Variants in KCTD1 observed in about 807,000 individuals in gnomAD.
The protein encoded by KCTD1 is potassium channel tetramerization domain containing 1.
Under a neutral mutation model 66.0 loss-of-function variants are expected in KCTD1, and 24 were observed. That is an observed-to-expected ratio of 0.36 (90% CI 0.26 to 0.51). KCTD1 has a LOEUF of 0.51. Ranked by LOEUF, KCTD1 falls within the 20% of genes least tolerant of loss-of-function variation. The pLI is 0.95. For missense variants in KCTD1, 943 were observed against 1,205.2 expected, an observed-to-expected ratio of 0.78 and a Z score of 3.22; for synonymous variants, 511 against 517.2, an observed-to-expected ratio of 0.99 and a Z score of 0.16.
chr18:26,479,839 C>A (rs986078937), intron 2 of KCTD1, among the ~76,000 whole-genome samples: 2 of 152,104 alleles, frequency 1.3e-5, no homozygotes, highest in Non-Finnish European at 2.9e-5. Flanking sequence ...TTTGGCTAAG[C>A]AAATAATGGG....
chr18:26,480,754 G>A (rs577371532), intron 2 of KCTD1, among the ~76,000 whole-genome samples: 2 of 151,984 alleles, frequency 1.3e-5, no homozygotes, highest in Non-Finnish European at 2.9e-5. Flanking sequence ...GCAACAGAGC[G>A]AGACTTTGTC....
intron 1 of KCTD1, among the ~76,000 whole-genome samples, chr18:26,615,975 G>C (rs1987241277): frequency 6.6e-6 from 1 of 152,060 alleles, no homozygotes; most frequent in Admixed American, 6.5e-5. Context: ...ATTTTTAGTA[G>C]AGATGGGGTT....
At chr18:26,522,259 A>G (rs747535135) in intron 1 of KCTD1, among the ~76,000 whole-genome samples, 1 of 152,224 alleles carries the variant, frequency 6.6e-6, no homozygotes, top group Non-Finnish European at 1.5e-5. Context: ...GCATCCTTAT[A>G]GAAAGGGGAA....
chr18:26,573,954 G>A (rs1213771191), intron 1 of KCTD1, among the ~76,000 whole-genome samples: 1 of 152,028 alleles, frequency 6.6e-6, no homozygotes, highest in Non-Finnish European at 1.5e-5. Flanking sequence ...TCAAATACCA[G>A]TATTGCCCCA....
At chr18:26,464,061 GA>G (rs1424197339) in intron 3 of KCTD1, among the ~76,000 whole-genome samples, 1 of 152,182 alleles carries the variant, frequency 6.6e-6, no homozygotes, top group Non-Finnish European at 1.5e-5. Context: ...CTAGAGGGAG[GA>G]AAACGATATA....
At chr18:26,529,337 T>C (rs936063016) in intron 1 of KCTD1, among the ~76,000 whole-genome samples, 3 of 152,180 alleles carry the variant, frequency 2.0e-5, no homozygotes, top group Non-Finnish European at 2.9e-5. Context: ...TTAAATGGCC[T>C]TGGCACTTGC....
upstream of KCTD1, among the ~76,000 whole-genome samples, chr18:26,632,675 CAT>C (rs1262498682): frequency 1.3e-5 from 2 of 151,900 alleles, no homozygotes; most frequent in Non-Finnish European, 2.9e-5. Context: ...TAATGATAAG[CAT>C]ATAGAAGTGG....
chr18:26,636,207 G>A (rs535373328), intron 1 of KCTD1, among the ~76,000 whole-genome samples: 7 of 152,146 alleles, frequency 4.6e-5, no homozygotes, highest in East Asian at 1.9e-4. Context: ...GTCAGAAGAG[G>A]GGGGAGTTTA....
chr18:26,560,467 A>C (rs1985820809), intron 1 of KCTD1, among the ~76,000 whole-genome samples: 1 of 152,184 alleles, frequency 6.6e-6, no homozygotes, highest in Non-Finnish European at 1.5e-5. Flanking sequence ...AAAAATACTG[A>C]TACCCAGATC....
At chr18:26,475,165 G>A (rs1057312131) in intron 3 of KCTD1, among the ~76,000 whole-genome samples, 2 of 152,086 alleles carry the variant, frequency 1.3e-5, no homozygotes, top group Admixed American at 6.5e-5. Flanking sequence ...CTGTTTTGAC[G>A]TTGATAGGAC....
intron 1 of KCTD1, chr18:26,657,352 G>T (rs1338527718): frequency 1.7e-5 from 17 of 985,334 alleles, no homozygotes; most frequent in Non-Finnish European, 2.0e-5. Context: ...CAAACCGTCA[G>T]ATCTTACCTG....
chr18:26,503,919 T>C (rs1686493894), intron 1 of KCTD1, among the ~76,000 whole-genome samples: 1 of 152,206 alleles, frequency 6.6e-6, no homozygotes, highest in Non-Finnish European at 1.5e-5. Flanking sequence ...TGGTGAGCCC[T>C]CTTGGTTCTC....
chr18:26,538,510 T>C (rs1037486202), intron 1 of KCTD1, among the ~76,000 whole-genome samples: 1 of 152,130 alleles, frequency 6.6e-6, no homozygotes, highest in Admixed American at 6.6e-5. Context: ...CCAGAGTCTA[T>C]GGATGCCCCA....
chr18:26,600,165 C>A, intron 1 of KCTD1: 1 of 1,604,588 alleles, frequency 6.2e-7, no homozygotes, highest in Non-Finnish European at 8.5e-7. Flanking sequence ...GTGGCCTTGC[C>A]AAAGAACTGG....
intron 2 of KCTD1, among the ~76,000 whole-genome samples, chr18:26,484,422 A>G (rs1455679890): frequency 7.2e-5 from 11 of 152,204 alleles, no homozygotes; most frequent in Admixed American, 7.2e-4. Context: ...AGTTTGAAAT[A>G]TAAGAAAAAG....
At chr18:26,606,500 G>T (rs1987018914) in intron 1 of KCTD1, among the ~76,000 whole-genome samples, 1 of 152,188 alleles carries the variant, frequency 6.6e-6, no homozygotes, top group Non-Finnish European at 1.5e-5. Context: ...TGACTTGCTG[G>T]GGCAATGGAA....
intron 1 of KCTD1, among the ~76,000 whole-genome samples, chr18:26,600,761 G>A (rs1986875950): frequency 6.6e-6 from 1 of 151,736 alleles, no homozygotes; most frequent in East Asian, 1.9e-4. Flanking sequence ...AGAGTTGATA[G>A]TTTACTCCAT....
At chr18:26,549,671 C>A, upstream of KCTD1, 3 of 976,544 alleles carry the variant, frequency 3.1e-6, no homozygotes, top group Non-Finnish European at 3.7e-6. Context: ...GAACTTGTGT[C>A]TCGGCCGACC....
chr18:26,566,669 G>A (rs1382737348), intron 1 of KCTD1: 1 of 152,064 alleles, frequency 6.6e-6, no homozygotes, highest in African/African-American at 2.4e-5. Flanking sequence ...TTCTGCTGGA[G>A]CAGCCTGTGG....
Sources: allele counts gnomAD v4.1 joint callset (sites outside exome capture counted in the v4.1 genomes callset), GRCh38; gene constraint gnomAD v4.1.1; transcripts MANE v1.5; gene names NCBI Gene and HGNC (gene_info 2026-07-23, HGNC 2026-07-21).